ZNF804B: variants seen among roughly 807,000 people sequenced by gnomAD.
ZNF804B encodes zinc finger protein 804B.
Under a neutral mutation model 101.4 loss-of-function variants are expected in ZNF804B, and 80 were observed. The observed-to-expected ratio is 0.79, with a 90% CI of 0.66 to 0.95. The LOEUF (loss-of-function observed/expected upper bound fraction) is 0.95, where lower values mean the gene tolerates loss of function less well. Ranked by LOEUF, ZNF804B falls within the 40% of genes least tolerant of loss-of-function variation. ZNF804B has a pLI of 0.00. For synonymous variants in ZNF804B, 622 were observed against 558.8 expected, an observed-to-expected ratio of 1.11 and a Z score of -1.59; for missense variants, 1,673 against 1,561.9, an observed-to-expected ratio of 1.07 and a Z score of -1.20.
chr7:89,327,274 G>A lies in ZNF804B; in HGVS notation c.250-70G>A, dbSNP rs577337015. ...CTGCACTTAGGATAAAGAATAATAA[G>A]GAGCCTTGTGGATGGAAAAGAATAT... On this transcript the variant is annotated intron_variant, in intron 2 of 3. Transcript: ENST00000333190. 1.8e-5 allele frequency: 26 copies of A among 1,422,136 alleles called. No individual in the cohort carries two copies. In the African/African-American group the frequency reaches 2.5e-4, roughly 14 times the overall value. 88.1% of individuals were successfully genotyped at this position (1,422,136 alleles called of 1,614,324 possible).
intron 1 of ZNF804B, among the ~76,000 whole-genome samples, chr7:89,217,726 A>G (rs997405571): frequency 1.3e-5 from 2 of 152,206 alleles, no homozygotes; most frequent in African/African-American, 4.8e-5. Flanking sequence ...GGCTCTATCT[A>G]TAGTGTGAAT....
intron 1 of ZNF804B, among the ~76,000 whole-genome samples, chr7:88,855,749 A>C (rs1218354552): frequency 6.6e-6 from 1 of 152,164 alleles, no homozygotes; most frequent in African/African-American, 2.4e-5. Context: ...TCTAACATTT[A>C]AGTCTTTAAT....
intron 1 of ZNF804B, among the ~76,000 whole-genome samples, chr7:88,989,226 G>T (rs1793809104): frequency 6.6e-6 from 1 of 151,968 alleles, no homozygotes; most frequent in African/African-American, 2.4e-5. Context: ...TTGATCTCCT[G>T]ACCTCGTGAT....
At chr7:88,854,434 T>TCTTCCTTTCTTTCTTC (rs1583977257) in intron 1 of ZNF804B, among the ~76,000 whole-genome samples, 1 of 106,576 alleles carries the variant, frequency 9.4e-6, no homozygotes, top group East Asian at 3.3e-4. Flanking sequence ...TTTCTTTCTT[T>TCTTCCTTTCTTTCTTC]CTTTCTTTCT....
chr7:88,809,510 T>C (rs1790748894), intron 1 of ZNF804B, among the ~76,000 whole-genome samples: 1 of 152,162 alleles, frequency 6.6e-6, no homozygotes, highest in African/African-American at 2.4e-5. Context: ...TTTTTAAAAA[T>C]TGGGCCAATG....
intron 2 of ZNF804B, among the ~76,000 whole-genome samples, chr7:89,244,930 G>A (rs2115771924): frequency 6.6e-6 from 1 of 152,186 alleles, no homozygotes; most frequent in East Asian, 1.9e-4. Flanking sequence ...TTTTAAAATT[G>A]TGTCAGGCAA....
intron 1 of ZNF804B, among the ~76,000 whole-genome samples, chr7:89,016,113 T>C (rs1180346447): frequency 6.6e-6 from 1 of 152,112 alleles, no homozygotes; most frequent in Admixed American, 6.5e-5. Context: ...TTTCATGTGT[T>C]TTTTGGCTGC....
intron 1 of ZNF804B, among the ~76,000 whole-genome samples, chr7:88,970,236 A>G (rs890555360): frequency 6.6e-6 from 1 of 151,558 alleles, no homozygotes; most frequent in Non-Finnish European, 1.5e-5. Flanking sequence ...CATGTGCAGG[A>G]TGTGCAGGCT....
rs374226876 is a variant in ZNF804B at position 89,333,783 on chromosome 7, G to C, written c.801G>C (p.Arg267Ser). Reference sequence around the variant, plus strand: ...CTGCAGATAAGTGCAAGTGCTGCAGGTTTGCAAATAAAGATACACACCTTA... The same window carrying C: ...CTGCAGATAAGTGCAAGTGCTGCAGCTTTGCAAATAAAGATACACACCTTA... ...KQTADKCKCCRFANKDTHLTK... is the reference protein window; with the variant it reads ...KQTADKCKCCSFANKDTHLTK... Residue 267 changes from arginine to serine, a missense_variant, in exon 4 of 4, where the codon AGG becomes AGC. By Grantham distance (110) the Arg-to-Ser change is moderately radical (BLOSUM62 -1). Coordinates refer to ENST00000333190, the MANE Select transcript of ZNF804B (RefSeq NM_181646.5). 4 of 1,611,626 alleles carry C rather than the reference G, an allele frequency of 2.5e-6. No homozygotes were observed. The highest frequency in any genetic ancestry group is 3.4e-6 in the Non-Finnish European group (4 of 1,178,802).
chr7:89,292,715 C>T (rs1344462252), intron 2 of ZNF804B, among the ~76,000 whole-genome samples: 6 of 151,724 alleles, frequency 4.0e-5, no homozygotes, highest in Non-Finnish European at 7.4e-5. Context: ...CCAATAACAT[C>T]GAATGTAAAT....
In ZNF804B at chr7:89,092,347, C is replaced by A. The variant is rs149282046; in HGVS notation, c.109-125808C>A. ...GGGGGAACACACATTCAGACGATAG[C>A]ATCGTGGACACTTACGTTATACTTT... On this transcript the variant is annotated intron_variant, in intron 1 of 3. Transcript: ENST00000333190. 2.0e-5 allele frequency among the ~76,000 whole-genome samples: 3 copies of A among 150,802 alleles called. No individual in the cohort carries two copies. The East Asian group carries it at 5.9e-4, about 30-fold the overall frequency.
intron 1 of ZNF804B, among the ~76,000 whole-genome samples, chr7:89,171,329 T>TTCTTCC (rs1562904464): frequency 1.6e-5 from 2 of 125,360 alleles, no homozygotes; most frequent in African/African-American, 3.1e-5. Flanking sequence ...CTTCTTCTTC[T>TTCTTCC]TCTTCTTCTT....
intron 1 of ZNF804B, among the ~76,000 whole-genome samples, chr7:88,979,563 T>C (rs1793665819): frequency 6.6e-6 from 1 of 151,830 alleles, no homozygotes; most frequent in Admixed American, 6.6e-5. Context: ...GGAGCTCCTT[T>C]TTATGTTATT....
intron 1 of ZNF804B, among the ~76,000 whole-genome samples, chr7:88,847,394 T>C (rs1380243284): frequency 6.6e-6 from 1 of 152,078 alleles, no homozygotes; most frequent in Non-Finnish European, 1.5e-5. Flanking sequence ...TTTTAAAAAA[T>C]ATATTTAGCT....
At chr7:89,010,585 A>G (rs979294077) in intron 1 of ZNF804B, among the ~76,000 whole-genome samples, 8 of 152,210 alleles carry the variant, frequency 5.3e-5, no homozygotes, top group Admixed American at 2.6e-4. Context: ...AATAGTTTCA[A>G]TAAAAGCACT....
rs185844821 is a variant in ZNF804B at position 89,047,015 on chromosome 7, C to T, written c.109-171140C>T. 1.5e-4 allele frequency among the ~76,000 whole-genome samples: 23 copies of T among 152,062 alleles called. No individual in the cohort carries two copies. The East Asian group carries it at 1.7e-3, about 12-fold the overall frequency. ...TGCAATCATCTATTTTCTGGCTATTCCTTAGGGCAGATAATTTTCATAAAT... is the reference window on the plus strand; with the variant it reads ...TGCAATCATCTATTTTCTGGCTATTTCTTAGGGCAGATAATTTTCATAAAT... On this transcript the variant is annotated intron_variant, in intron 1 of 3. Transcript: ENST00000333190.
At chr7:89,251,384 A>T (rs1448559049) in intron 2 of ZNF804B, among the ~76,000 whole-genome samples, 1 of 152,184 alleles carries the variant, frequency 6.6e-6, no homozygotes, top group Non-Finnish European at 1.5e-5. Context: ...AACTAGGAAT[A>T]CATCTAACCA....
chr7:88,979,147 TGTA>T (rs1321018631), intron 1 of ZNF804B, among the ~76,000 whole-genome samples: 2 of 151,972 alleles, frequency 1.3e-5, no homozygotes. Flanking sequence ...GAAAAGTTAT[TGTA>T]GTTATTATTT....
chr7:88,978,802 G>T (rs35301516), intron 1 of ZNF804B, among the ~76,000 whole-genome samples: 2 of 132,964 alleles, frequency 1.5e-5, no homozygotes, highest in African/African-American at 2.8e-5. Context: ...CTCCCTCCCT[G>T]CCTCCCTCCC....
Sources: gnomAD v4.1 joint callset for allele counts (sites outside exome capture counted in the v4.1 genomes callset) on GRCh38, gnomAD v4.1.1 for gene constraint, MANE v1.5 for transcripts, NCBI Gene and HGNC (gene_info 2026-07-23, HGNC 2026-07-21) for gene names.